CAPN5: variants seen among roughly 807,000 people sequenced by gnomAD.
CAPN5 encodes the protein calpain 5, also known as calpain-5.
CAPN5 carries 54 observed loss-of-function variants against 73.0 expected under a neutral mutation model. The ratio of observed to expected loss-of-function variants is 0.74; its 90% CI spans 0.59 to 0.93. The LOEUF is 0.93. Among genes scored for constraint, CAPN5 ranks in the 40% least tolerant of loss-of-function variants. CAPN5 has a pLI of 0.00. For missense variants in CAPN5, 785 were observed against 882.9 expected (o/e 0.89, Z 1.41); for synonymous variants, 335 against 356.9 (o/e 0.94, Z 0.69).
At chr11:77,115,286 C>T (rs1353016154) in intron 5 of CAPN5, 109 bp from the exon 6 acceptor site, 3 of 809,916 alleles carry the variant, frequency 3.7e-6, no homozygotes, top group Non-Finnish European at 5.8e-6. Flanking sequence ...ACTGCAATTC[C>T]CATCCCATCC....
chr11:77,120,913 C>G lies in CAPN5; in HGVS notation c.1487+4C>G. ...CTGATGTGCCCTCCAACTGCCGGTA[C>G]TTGGGGGCTGGCTTGAGGCCAGTGT... On this transcript the variant is annotated splice_donor_region_variant and intron_variant, in intron 10 of 12. Coordinates refer to ENST00000648180, the MANE Select transcript of CAPN5 (RefSeq NM_004055.5). 3 of 1,610,258 alleles carry G rather than the reference C, an allele frequency of 1.9e-6. No individual in the cohort carries two copies. The highest frequency in any genetic ancestry group is 2.5e-6 in the Non-Finnish European group (3 of 1,177,286).
intron 2 of CAPN5, among the ~76,000 whole-genome samples, chr11:77,085,386 T>C (rs1950075104): frequency 1.3e-5 from 2 of 152,236 alleles, no homozygotes; most frequent in South Asian, 4.1e-4. Flanking sequence ...CCATTTTTGA[T>C]AAAATGTAGA....
chr11:77,111,213 T>G (rs1555040694), intron 3 of CAPN5, among the ~76,000 whole-genome samples: 1 of 152,144 alleles, frequency 6.6e-6, no homozygotes, highest in African/African-American at 2.4e-5. Flanking sequence ...CTCCCCAGAC[T>G]GGGAGCCTTT....
intron 6 of CAPN5, among the ~76,000 whole-genome samples, chr11:77,116,008 GC>G (rs1950464438): frequency 6.6e-6 from 1 of 152,116 alleles, no homozygotes; most frequent in African/African-American, 2.4e-5. Context: ...AGACCTCCCA[GC>G]CCCTGTCATG....
At chr11:77,116,330 C>T (rs1301125085) in intron 7 of CAPN5, 27 bp downstream of exon 7, 32 of 1,594,654 alleles carry the variant, frequency 2.0e-5, no homozygotes, top group East Asian at 4.5e-5. Flanking sequence ...CCTGGGCGTC[C>T]GGGGCTGAGG....
chr11:77,097,113 T>C lies in CAPN5; in HGVS notation c.297+3300T>C, dbSNP rs574757235. Among the ~76,000 whole-genome samples, 14 of 152,208 alleles carry C rather than the reference T, an allele frequency of 9.2e-5. No homozygotes were observed. The South Asian group carries it at 1.0e-3, about 11-fold the overall frequency. ...GGTGGGCGCCTGTAGTCCCAGCTAC[T>C]TGGGAGGCTGAGGCAGGAGAATGGC... On this transcript the variant is annotated intron_variant, in intron 3 of 12. Transcript: ENST00000648180.
intron 3 of CAPN5, chr11:77,102,931 G>T: frequency 6.2e-7 from 1 of 1,613,000 alleles, no homozygotes. Context: ...CGCGTGGAGA[G>T]CCTGAAGCAG....
Position 77,093,854 on chromosome 11 carries a change from GAACGCA to G in CAPN5, c.297+42_297+47del, listed in dbSNP as rs781888992. The stretch of plus-strand genomic sequence containing the variant: ...GAGTGGGCAGGGTGCTGGGGAGTGT[GAACGCA>G]GCCTGTGGCCCTCACTGCCAGACAG... On this transcript the variant is annotated intron_variant, in intron 3 of 12. Coordinates refer to ENST00000648180, the MANE Select transcript of CAPN5 (RefSeq NM_004055.5). 3.0e-5 allele frequency: 48 copies of G among 1,594,744 alleles called. No individual in the cohort carries two copies. The South Asian group carries it at 5.0e-4, about 16-fold the overall frequency.
At chr11:77,116,123 G>T (rs1565277193) in intron 6 of CAPN5, 103 bp from the exon 7 acceptor site, 1 of 1,050,132 alleles carries the variant, frequency 9.5e-7, no homozygotes, top group Non-Finnish European at 1.4e-6. Flanking sequence ...CTGGAGGCCT[G>T]GTGCAAGACT....
rs543945890 is a variant in CAPN5, at chr11:77,125,440, C to T, written c.*1570C>T. ...GGGACTTCCCCTCAAGAACCTGGGCCTGGGGCCGGGACTCTGCATGACTGG... is the reference window on the plus strand; with the variant it reads ...GGGACTTCCCCTCAAGAACCTGGGCTTGGGGCCGGGACTCTGCATGACTGG... On this transcript the variant is annotated 3_prime_UTR_variant, in exon 13 of 13. Transcript: ENST00000648180. 1.3e-5 allele frequency: 2 copies of T among 152,484 alleles called. No homozygotes were observed. Among genetic ancestry groups the T allele is most frequent in the African/African-American group, 2.4e-5 (1 of 41,532 alleles). 9.4% of individuals were successfully genotyped at this position (152,484 alleles called of 1,614,324 possible).
intron 2 of CAPN5, among the ~76,000 whole-genome samples, chr11:77,091,815 A>G (rs1362775729): frequency 2.0e-5 from 3 of 152,208 alleles, no homozygotes; most frequent in Non-Finnish European, 4.4e-5. Flanking sequence ...GGAGCCACCC[A>G]TAGAGGTCTG....
chr11:77,105,410 C>G (rs2135462143), intron 3 of CAPN5, among the ~76,000 whole-genome samples: 1 of 152,256 alleles, frequency 6.6e-6, no homozygotes, highest in East Asian at 1.9e-4. Context: ...CTGGTAGCCC[C>G]AGAGCTGCCT....
chr11:77,118,252 A>C lies in CAPN5; in HGVS notation c.1067A>C (p.Glu356Ala), dbSNP rs1555042092. The C allele has an allele frequency of 6.2e-7, 1 of 1,614,108 alleles. No individual in the cohort carries two copies. The change falls in exon 8 of 13, where the codon GAG becomes GCG. Residue 356 changes from glutamate to alanine, a missense_variant. Coordinates refer to ENST00000648180, the MANE Select transcript of CAPN5 (RefSeq NM_004055.5). ...CTGAGCATCCACAAGACGTGGGAGG[A>C]GGCCCGGCTGCATGGCGCCTGGACG... is the stretch of plus-strand genomic sequence containing the variant. ...SHLSIHKTWE[E>A]ARLHGAWTLH... is the part of the protein sequence containing the mutation.
In CAPN5 at chr11:77,103,332, C is replaced by T. The variant is rs1555039327; in HGVS notation, c.298-9257C>T. On this transcript the variant is annotated intron_variant, in intron 3 of 12. Coordinates refer to ENST00000648180, the MANE Select transcript of CAPN5 (RefSeq NM_004055.5). The stretch of plus-strand genomic sequence containing the variant: ...CTCCGTGGTTTTTAACCAGCTCTGA[C>T]AGCAGCTGCCAGCTGCTGCTCTCCT... 2.5e-6 allele frequency: 4 copies of T among 1,603,392 alleles called. No homozygotes were observed. In the East Asian group the frequency reaches 8.9e-5, roughly 36 times the overall value.
chr11:77,114,482 C>G (rs1555041364), intron 5 of CAPN5, 48 bp downstream of exon 5: 1 of 1,536,596 alleles, frequency 6.5e-7, no homozygotes, highest in Non-Finnish European at 9.0e-7. Context: ...TTCACCCTCG[C>G]TGACTGAGAT....
At chr11:77,114,079 G>C (rs1378122274) in intron 4 of CAPN5, among the ~76,000 whole-genome samples, 163 bp from the exon 5 acceptor site, 1 of 151,716 alleles carries the variant, frequency 6.6e-6, no homozygotes, top group African/African-American at 2.4e-5. Flanking sequence ...ATGTTGGCCC[G>C]AGTGTTAAGA....
At position 77,103,110 on chromosome 11, in the gene CAPN5, C is replaced by T. The variant is rs782570316; in HGVS notation, c.297+9297C>T. 15 of 1,613,770 alleles carry T rather than the reference C, an allele frequency of 9.3e-6. No individual in the cohort carries two copies. The East Asian group carries it at 2.0e-4, about 22-fold the overall frequency. On this transcript the variant is annotated intron_variant, in intron 3 of 12. Transcript: ENST00000648180. ...CACCTCGCAGAACTGGACGCCTGACCTCACCAACCTCATGACACGCCAGCT... is the reference window on the plus strand; with the variant it reads ...CACCTCGCAGAACTGGACGCCTGACTTCACCAACCTCATGACACGCCAGCT...
At chr11:77,076,341 T>A (rs1438172845) in intron 1 of CAPN5, among the ~76,000 whole-genome samples, 1 of 152,070 alleles carries the variant, frequency 6.6e-6, no homozygotes, top group African/African-American at 2.4e-5. Flanking sequence ...GGCAACAGAG[T>A]GAGACTCCAA....
At chr11:77,123,301 C>T (rs1156397005) in intron 12 of CAPN5, among the ~76,000 whole-genome samples, 1 of 152,208 alleles carries the variant, frequency 6.6e-6, no homozygotes, top group Non-Finnish European at 1.5e-5. Context: ...TTTCTTAACA[C>T]TGAGTCCCAC....
Sources: gnomAD v4.1 joint callset for allele counts (sites outside exome capture counted in the v4.1 genomes callset) on GRCh38, gnomAD v4.1.1 for gene constraint, MANE v1.5 for transcripts, NCBI Gene and HGNC (gene_info 2026-07-23, HGNC 2026-07-21) for gene names.